The following TRAF3IP2 variants were observed in gnomAD, a reference collection of about 807,000 sequenced individuals.
TRAF3IP2 encodes the protein TRAF3 interacting protein 2, also known as E3 ubiquitin ligase TRAF3IP2.
A neutral mutation model predicts 57.9 loss-of-function variants in TRAF3IP2; 35 were observed. That is an observed-to-expected ratio of 0.60 (90% CI 0.46 to 0.80). The LOEUF is 0.80. TRAF3IP2 is among the 30% of genes least tolerant of loss of function. The pLI is 0.00. For synonymous variants in TRAF3IP2, 251 were observed against 268.9 expected (o/e 0.93, Z 0.65); for missense variants, 556 against 706.4 (o/e 0.79, Z 2.41).
At chr6:111,594,468 T>C (rs1440877976) in intron 1 of TRAF3IP2, 1 of 450,484 alleles carries the variant, frequency 2.2e-6, no homozygotes, top group East Asian at 7.1e-5. Context: ...AGAAGCGCTT[T>C]TCTACCTAAA....
intron 8 of TRAF3IP2, among the ~76,000 whole-genome samples, chr6:111,561,055 A>C (rs528212143): frequency 2.0e-5 from 3 of 151,758 alleles, no homozygotes; most frequent in African/African-American, 7.3e-5. Flanking sequence ...GGTGGCGAGC[A>C]CCTATAACCC....
chr6:111,573,034 T>C (rs778080898), intron 4 of TRAF3IP2, 51 bp from the exon 5 acceptor site: 2 of 1,366,558 alleles, frequency 1.5e-6, no homozygotes, highest in South Asian at 2.4e-5. Context: ...TATTCTATTG[T>C]AAACAAACTT....
chr6:111,604,533 C>T (rs552390849), intron 1 of TRAF3IP2, among the ~76,000 whole-genome samples: 3 of 152,344 alleles, frequency 2.0e-5, no homozygotes, highest in Admixed American at 6.5e-5. Context: ...TGAACTAATT[C>T]GAGAAACTCC....
intron 2 of TRAF3IP2, among the ~76,000 whole-genome samples, chr6:111,580,658 A>G (rs1282926816): frequency 1.3e-5 from 2 of 151,792 alleles, no homozygotes; most frequent in Non-Finnish European, 2.9e-5. Context: ...TTTTCAAAAA[A>G]CTCTACACAG....
At position 111,586,695 on chromosome 6, in the gene TRAF3IP2, A is replaced by G. The variant is rs1249050489; in HGVS notation, c.829+4563T>C. On this transcript the variant is annotated intron_variant, in intron 2 of 8. Transcript: ENST00000368761. Reference sequence around the variant, plus strand: ...TAAAGCTGAGTAGAGCCACGTAGCCATGGTTTCCAACTGCACAAGCATCCC... The same window carrying G: ...TAAAGCTGAGTAGAGCCACGTAGCCGTGGTTTCCAACTGCACAAGCATCCC... Among the ~76,000 whole-genome samples, 10 of 152,284 alleles carry G rather than the reference A, an allele frequency of 6.6e-5. No individual in the cohort carries two copies. The East Asian group carries it at 9.6e-4, about 15-fold the overall frequency.
chr6:111,593,327 C>T (rs567285480), intron 1 of TRAF3IP2, among the ~76,000 whole-genome samples: 2 of 152,338 alleles, frequency 1.3e-5, no homozygotes, highest in Non-Finnish European at 1.5e-5. Flanking sequence ...TCACTGAGGG[C>T]TCACTGTGCC....
At chr6:111,593,924 T>C (rs1327086179) in intron 1 of TRAF3IP2, among the ~76,000 whole-genome samples, 1 of 151,722 alleles carries the variant, frequency 6.6e-6, no homozygotes, top group East Asian at 1.9e-4. Context: ...TGAGGTCAGG[T>C]ATTCGAGACT....
chr6:111,567,372 G>T, intron 6 of TRAF3IP2: 1 of 1,232,762 alleles, frequency 8.1e-7, no homozygotes, highest in Non-Finnish European at 1.0e-6. Context: ...CTCGTCAAAA[G>T]ATTGTTTCCT....
At position 111,559,449 on chromosome 6, in the gene TRAF3IP2, G is replaced by A. The variant is rs762959079; in HGVS notation, c.1654C>T (p.Pro552Ser). 1.9e-6 allele frequency: 3 copies of A among 1,613,938 alleles called. No homozygotes were observed. Among genetic ancestry groups the A allele is most frequent in the African/African-American group, 1.3e-5 (1 of 74,958 alleles). The change falls in exon 9 of 9, where the codon CCT becomes TCT. Residue 552 changes from proline to serine, a missense_variant. Coordinates refer to ENST00000368761, the MANE Select transcript of TRAF3IP2 (RefSeq NM_147686.4). ...AGGGTGGGCAGAGGCCCCCGTGGAGGAGCCACATACTCTTCCTCTCTCAGC... is the reference window on the plus strand; with the variant it reads ...AGGGTGGGCAGAGGCCCCCGTGGAGAAGCCACATACTCTTCCTCTCTCAGC... ...RLLREEEYVAPPRGPLPTLQV... is the reference protein window; with the variant it reads ...RLLREEEYVASPRGPLPTLQV...
rs774838745 is a variant in TRAF3IP2 at position 111,572,948 on chromosome 6, T to C, written c.1237A>G (p.Met413Val). ...AAGTTCACGAATTTCACCACCTCCA[T>C]AGCTGTGTCCATCGAATAAGTGATA... ...VFITYSMDTA[M>V]EVVKFVNFLL... The change falls in exon 5 of 9, where the codon ATG becomes GTG. Residue 413 changes from methionine to valine, a missense_variant. Met to Val is a conservative substitution (Grantham distance 21, BLOSUM62 1). Transcript: ENST00000368761. 6 of 1,614,016 alleles carry C rather than the reference T, an allele frequency of 3.7e-6. No homozygotes were observed. Among genetic ancestry groups the C allele is most frequent in the South Asian group, 3.3e-5 (3 of 91,080 alleles).
chr6:111,573,032 T>C (rs756252777), intron 4 of TRAF3IP2, 49 bp from the exon 5 acceptor site: 11 of 1,403,070 alleles, frequency 7.8e-6, no homozygotes, highest in Middle Eastern at 1.8e-4. Context: ...ATTATTCTAT[T>C]GTAAACAAAC....
chr6:111,601,906 T>C (rs1321806321), intron 1 of TRAF3IP2: 2 of 152,190 alleles, frequency 1.3e-5, no homozygotes, highest in African/African-American at 4.8e-5. Context: ...CCTGCCCAAA[T>C]GCATGCAAAC....
At chr6:111,565,291 G>C (rs1440355372) in intron 7 of TRAF3IP2, 1 of 152,244 alleles carries the variant, frequency 6.6e-6, no homozygotes, top group Non-Finnish European at 1.5e-5. Flanking sequence ...AGGTAAAGCT[G>C]TGTGCCCCGA....
At chr6:111,587,461 G>A (rs1425921245) in intron 2 of TRAF3IP2, among the ~76,000 whole-genome samples, 1 of 151,716 alleles carries the variant, frequency 6.6e-6, no homozygotes, top group Non-Finnish European at 1.5e-5. Context: ...CACCATATTG[G>A]CCAGGCTGGT....
chr6:111,586,814 T>G (rs1383540664), intron 2 of TRAF3IP2, among the ~76,000 whole-genome samples: 1 of 152,180 alleles, frequency 6.6e-6, no homozygotes, highest in Non-Finnish European at 1.5e-5. Flanking sequence ...CTGCCATGAA[T>G]GCTTAAAATC....
chr6:111,560,666 G>A (rs751701186), intron 8 of TRAF3IP2, among the ~76,000 whole-genome samples: 4 of 152,342 alleles, frequency 2.6e-5, no homozygotes, highest in Middle Eastern at 6.8e-3. Context: ...CAGGTGGTGA[G>A]AGCGGCCTGT....
intron 5 of TRAF3IP2, 148 bp downstream of exon 5, chr6:111,572,747 C>A: frequency 1.5e-6 from 1 of 673,944 alleles, no homozygotes; most frequent in South Asian, 1.9e-5. Flanking sequence ...AAATTATTAC[C>A]TAAATCTATA....
chr6:111,601,086 T>C, intron 1 of TRAF3IP2: 1 of 611,422 alleles, frequency 1.6e-6, no homozygotes, highest in South Asian at 2.1e-5. Flanking sequence ...ACCGCTTGCA[T>C]CTCGGTTGGG....
chr6:111,591,359 C>G lies in TRAF3IP2; in HGVS notation c.728G>C (p.Arg243Thr). The change falls in exon 2 of 9, where the codon AGG (arginine) becomes ACG (threonine). Residue 243 changes from arginine (R) to threonine (T), a missense_variant. Around this residue, in one of 2 missense-constraint regions of TRAF3IP2, gnomAD observed 428 missense variants for 498.7 expected, o/e 0.86. Transcript: ENST00000368761. The surrounding 1 kb of genome is among the most constrained non-coding windows in gnomAD (Gnocchi z 4.9). ...CAGCATCTGTGCACATGCTGGATAC[C>G]TCTGAGGTTCAAACTGAGGGAACTC... is the stretch of plus-strand genomic sequence containing the variant. Reference protein sequence around the residue: ...SREFPQFEPQRYPACAQMLPP... With the variant: ...SREFPQFEPQTYPACAQMLPP... The G allele has an allele frequency of 6.5e-7, 1 of 1,540,840 alleles. No individual in the cohort carries two copies. Among genetic ancestry groups the G allele is most frequent in the Non-Finnish European group, 8.7e-7 (1 of 1,147,296 alleles).
Sources: allele counts gnomAD v4.1 joint callset (sites outside exome capture counted in the v4.1 genomes callset), GRCh38; gene constraint gnomAD v4.1.1; regional missense constraint gnomAD v4.1.1; non-coding constraint Gnocchi (gnomAD v3.1); transcripts MANE v1.5; gene names NCBI Gene and HGNC (gene_info 2026-07-23, HGNC 2026-07-21).